Variants in CRYBG3 observed in about 807,000 individuals in gnomAD.
CRYBG3 encodes the protein crystallin beta-gamma domain containing 3, also known as very large A-kinase anchor protein.
Under a neutral mutation model 244.2 loss-of-function variants are expected in CRYBG3, and 127 were observed. That is an observed-to-expected ratio of 0.52 (90% CI 0.45 to 0.60). CRYBG3 has a LOEUF of 0.60. Ranked by LOEUF, CRYBG3 falls within the 20% of genes least tolerant of loss-of-function variation. CRYBG3 has a pLI of 0.00. For missense variants in CRYBG3, 3,325 were observed against 3,442.5 expected (o/e 0.97, Z 0.85); for synonymous variants, 1,132 against 1,195.8 (o/e 0.95, Z 1.10).
rs115891670 is a variant in CRYBG3, at chr3:97,828,891, A to G, written c.149+6536A>G. Among the ~76,000 whole-genome samples the G allele has an allele frequency of 2.8e-3, 433 of 152,104 alleles. 4 individuals carry two copies. The highest frequency in any genetic ancestry group is 1.0e-2 in the African/African-American group (414 of 41,510). On this transcript the variant is annotated intron_variant, in intron 1 of 21. Coordinates refer to ENST00000389622, the MANE Select transcript of CRYBG3 (RefSeq NM_153605.4). ...ACAAAAAAAAACTTAAGCTACAACT[A>G]ATTGTGTATAGTATGCCCCATTTGT...
At chr3:97,836,313 A>G (rs2038732321) in intron 1 of CRYBG3, among the ~76,000 whole-genome samples, 1 of 152,000 alleles carries the variant, frequency 6.6e-6, no homozygotes, top group South Asian at 2.1e-4. Flanking sequence ...TTAAAATTGC[A>G]GCTTTTAGTT....
chr3:97,942,964 G>T (rs1272002614), intron 21 of CRYBG3: 2 of 387,540 alleles, frequency 5.2e-6, no homozygotes, highest in East Asian at 5.6e-5. Flanking sequence ...AGAGCACTTT[G>T]TTCTAAAGAA....
At chr3:97,832,491 G>C (rs557786521) in intron 1 of CRYBG3, among the ~76,000 whole-genome samples, 31 of 152,146 alleles carry the variant, frequency 2.0e-4, no homozygotes, top group Non-Finnish European at 3.5e-4. Flanking sequence ...TTTAATAAAT[G>C]GTTTTGGGAA....
chr3:97,941,559 T>G (rs896725114), intron 20 of CRYBG3, among the ~76,000 whole-genome samples: 1 of 151,938 alleles, frequency 6.6e-6, no homozygotes, highest in Non-Finnish European at 1.5e-5. Context: ...CTAAGTGATT[T>G]TTTACAACCA....
Position 97,889,373 on chromosome 3 carries a change from A to G in CRYBG3, c.7423A>G (p.Met2475Val), listed in dbSNP as rs367735590. 1.2e-6 allele frequency: 2 copies of G among 1,609,698 alleles called. No homozygotes were observed. The highest frequency in any genetic ancestry group is 2.7e-5 in the African/African-American group (2 of 74,828). Residue 2475 changes from methionine (M) to valine (V), a missense_variant, in exon 10 of 22, where the codon ATG becomes GTG. Met to Val is a conservative substitution (Grantham distance 21, BLOSUM62 1). Around this residue, in one of 4 missense-constraint regions of CRYBG3, gnomAD observed 714 missense variants for 803.6 expected, o/e 0.89. Transcript: ENST00000389622. Reference protein sequence around the residue: ...PLQMGGLKVEMPMNLKVIIYE... With the variant: ...PLQMGGLKVEVPMNLKVIIYE... ...TCTTAAGGGTGGACTGAAAGTGGAA[A>G]TGCCCATGAACTTAAAGGTAAGTCT... is the stretch of plus-strand genomic sequence containing the variant.
At chr3:97,830,064 A>G (rs531285353) in intron 1 of CRYBG3, among the ~76,000 whole-genome samples, 1 of 152,224 alleles carries the variant, frequency 6.6e-6, no homozygotes, top group South Asian at 2.1e-4. Flanking sequence ...TCCACATCTC[A>G]TTACTCATCC....
At chr3:97,841,611 G>C (rs144164155) in intron 1 of CRYBG3, among the ~76,000 whole-genome samples, 1 of 151,878 alleles carries the variant, frequency 6.6e-6, no homozygotes, top group Non-Finnish European at 1.5e-5. Context: ...CATCTGATCC[G>C]CTTTGGGACA....
chr3:97,865,278 A>C (rs2039212373), intron 3 of CRYBG3, among the ~76,000 whole-genome samples: 1 of 152,190 alleles, frequency 6.6e-6, no homozygotes, highest in Non-Finnish European at 1.5e-5. Context: ...GTGACATAAA[A>C]GTATTCATTT....
At chr3:97,826,604 T>C (rs999669003) in intron 1 of CRYBG3, among the ~76,000 whole-genome samples, 7 of 152,088 alleles carry the variant, frequency 4.6e-5, no homozygotes, top group African/African-American at 1.7e-4. Flanking sequence ...GGTTGTAAAA[T>C]TAAGGAAAAT....
chr3:97,927,015 C>T (rs894584450), intron 17 of CRYBG3, among the ~76,000 whole-genome samples: 7 of 152,042 alleles, frequency 4.6e-5, no homozygotes, highest in Non-Finnish European at 1.0e-4. Flanking sequence ...AGATTCAATA[C>T]TGTTCCTACC....
chr3:97,850,702 A>G (rs2038972230), intron 2 of CRYBG3, among the ~76,000 whole-genome samples: 2 of 152,250 alleles, frequency 1.3e-5, no homozygotes, highest in Non-Finnish European at 1.5e-5. Context: ...AATTACTTTA[A>G]CAATAGGAGT....
chr3:97,888,702 C>A (rs1374355930), intron 9 of CRYBG3, among the ~76,000 whole-genome samples: 1 of 152,046 alleles, frequency 6.6e-6, no homozygotes, highest in Non-Finnish European at 1.5e-5. Flanking sequence ...TAGTCCATGC[C>A]CCTTAAAAAC....
chr3:97,919,588 G>A (rs949884051), intron 17 of CRYBG3, among the ~76,000 whole-genome samples: 1 of 151,822 alleles, frequency 6.6e-6, no homozygotes, highest in African/African-American at 2.4e-5. Flanking sequence ...ATTACAAGAA[G>A]ACCTTTTAAG....
intron 15 of CRYBG3, among the ~76,000 whole-genome samples, chr3:97,911,123 A>T (rs747071654): frequency 2.0e-5 from 3 of 152,234 alleles, no homozygotes; most frequent in Non-Finnish European, 2.9e-5. Flanking sequence ...CAGATCAAGT[A>T]AGGTCAGAGC....
At chr3:97,880,606 C>A (rs1218941525) in intron 6 of CRYBG3, among the ~76,000 whole-genome samples, 2 of 152,220 alleles carry the variant, frequency 1.3e-5, no homozygotes, top group Non-Finnish European at 2.9e-5. Flanking sequence ...CAGAATTTAT[C>A]TGTCCAGTGT....
intron 2 of CRYBG3, among the ~76,000 whole-genome samples, chr3:97,844,675 A>T (rs1437023813): frequency 1.3e-5 from 2 of 152,156 alleles, no homozygotes; most frequent in Non-Finnish European, 1.5e-5. Flanking sequence ...CCAAACTTGG[A>T]TAAATTCAGC....
intron 17 of CRYBG3, among the ~76,000 whole-genome samples, chr3:97,923,613 A>C (rs965910976): frequency 1.2e-4 from 18 of 152,090 alleles, no homozygotes; most frequent in Non-Finnish European, 2.4e-4. Context: ...TAAAACAAAA[A>C]AGGAGAAAAC....
At chr3:97,860,565 G>C (rs2039131513) in intron 2 of CRYBG3, among the ~76,000 whole-genome samples, 1 of 152,138 alleles carries the variant, frequency 6.6e-6, no homozygotes, top group African/African-American at 2.4e-5. Flanking sequence ...ATTGTAAGTA[G>C]AGAGAAGAGT....
intron 15 of CRYBG3, among the ~76,000 whole-genome samples, chr3:97,909,065 G>A (rs1441575590): frequency 6.6e-6 from 1 of 152,170 alleles, no homozygotes; most frequent in Non-Finnish European, 1.5e-5. Flanking sequence ...TAAGAATGTT[G>A]AATATTGGCC....
Sources: allele counts gnomAD v4.1 joint callset (sites outside exome capture counted in the v4.1 genomes callset), GRCh38; gene constraint gnomAD v4.1.1; regional missense constraint gnomAD v4.1.1; transcripts MANE v1.5; gene names NCBI Gene and HGNC (gene_info 2026-07-23, HGNC 2026-07-21).